CCND1: variants seen among roughly 807,000 people sequenced by gnomAD.
The protein encoded by CCND1 is cyclin D1, also known as G1/S-specific cyclin-D1.
In CCND1, 9 loss-of-function variants were observed where a neutral mutation model predicts 26.1. That is an observed-to-expected ratio of 0.35 (90% CI 0.21 to 0.60). The LOEUF (loss-of-function observed/expected upper bound fraction) is 0.60. Ranked by LOEUF, CCND1 falls within the 20% of genes least tolerant of loss-of-function variation. The pLI, the probability that CCND1 is intolerant of heterozygous loss-of-function variation, is 0.79. For missense variants in CCND1, 335 were observed against 392.9 expected (o/e 0.85, Z 1.25); for synonymous variants, 194 against 166.1 (o/e 1.17, Z -1.29).
At chr11:69,651,026 C>G in intron 4 of CCND1, 92 bp from the exon 5 acceptor site, 2 of 1,279,118 alleles carry the variant, frequency 1.6e-6, no homozygotes, top group Non-Finnish European at 2.2e-6. Context: ...CTTATAAAGG[C>G]TTCCGGGTCA....
chr11:69,647,156 G>A (rs1287905211), intron 3 of CCND1, among the ~76,000 whole-genome samples: 1 of 152,272 alleles, frequency 6.6e-6, no homozygotes, highest in African/African-American at 2.4e-5. Context: ...TACTTGGGAA[G>A]TCACTGGAAT....
At chr11:69,649,262 C>T (rs571061390) in intron 4 of CCND1, among the ~76,000 whole-genome samples, 4 of 152,234 alleles carry the variant, frequency 2.6e-5, no homozygotes, top group African/African-American at 2.4e-5. Flanking sequence ...CTTTTCATTT[C>T]GAACTCCACG....
Position 69,641,201 on chromosome 11 carries a change from T to C in CCND1, c.-113T>C. 9.3e-7 allele frequency: 1 copy of C among 1,075,910 alleles called. No homozygotes were observed. The highest frequency in any genetic ancestry group is 1.8e-5 in the Admixed American group (1 of 57,106). 66.6% of individuals were successfully genotyped at this position (1,075,910 alleles called of 1,614,324 possible). ...GCAGCGAGCAGCAGAGTCCGCACGC[T>C]CCGGCGAGGGGCAGAAGAGCGCGAG... On this transcript the variant is annotated 5_prime_UTR_variant, in exon 1 of 5. Transcript: ENST00000227507.
chr11:69,643,202 C>T lies in CCND1; in HGVS notation c.370C>T (p.Leu124=), dbSNP rs1855732139. The T allele has an allele frequency of 2.5e-6, 4 of 1,603,622 alleles. No individual in the cohort carries two copies. The highest frequency in any genetic ancestry group is 4.5e-5 in the East Asian group (2 of 44,502). The change falls in exon 2 of 5, where the codon CTG becomes TTG. Residue 124 remains leucine (L), a synonymous_variant. Transcript: ENST00000227507. The stretch of plus-strand genomic sequence containing the variant: ...GACCATCCCCCTGACGGCCGAGAAG[C>T]TGTGCATCTACACCGACAACTCCAT... The part of the protein sequence containing the change: ...KETIPLTAEK[L]CIYTDNSIRP...
At chr11:69,647,611 C>T (rs1402180478) in intron 3 of CCND1, among the ~76,000 whole-genome samples, 2 of 152,222 alleles carry the variant, frequency 1.3e-5, no homozygotes, top group African/African-American at 4.8e-5. Context: ...GACATCTCTA[C>T]GTCCTCATAT....
chr11:69,643,737 A>C, intron 2 of CCND1, 95 bp from the exon 3 acceptor site: 6 of 1,188,846 alleles, frequency 5.0e-6, no homozygotes, highest in Non-Finnish European at 7.1e-6. Flanking sequence ...TCTGAGCCGG[A>C]GGTGCGGCGT....
Position 69,643,201 on chromosome 11 carries a change from G to A in CCND1, c.369G>A (p.Lys123=), listed in dbSNP as rs1333527458. The change falls in exon 2 of 5, where the codon AAG becomes AAA. Residue 123 remains lysine (K), a synonymous_variant. Transcript: ENST00000227507. ...MKETIPLTAE[K]LCIYTDNSIR... ...AGACCATCCCCCTGACGGCCGAGAA[G>A]CTGTGCATCTACACCGACAACTCCA... 5.6e-6 allele frequency: 9 copies of A among 1,603,874 alleles called. No individual in the cohort carries two copies. Among genetic ancestry groups the A allele is most frequent in the Non-Finnish European group, 7.7e-6 (9 of 1,175,690 alleles).
In CCND1 at chr11:69,651,171, G is replaced by A; in HGVS notation, c.777G>A (p.Leu259=). The part of the protein sequence containing the change: ...EQIEALLESS[L]RQAQQNMDPK... ...TCGAAGCCCTGCTGGAGTCAAGCCT[G>A]CGCCAGGCCCAGCAGAACATGGACC... Residue 259 remains leucine (L), a synonymous_variant, in exon 5 of 5, where the codon CTG becomes CTA. Coordinates refer to ENST00000227507, the MANE Select transcript of CCND1 (RefSeq NM_053056.3). The A allele has an allele frequency of 1.9e-6, 3 of 1,612,228 alleles. No homozygotes were observed. The highest frequency in any genetic ancestry group is 2.5e-6 in the Non-Finnish European group (3 of 1,179,074).
intron 2 of CCND1, among the ~76,000 whole-genome samples, chr11:69,643,511 C>T (rs1031065579): frequency 2.8e-4 from 42 of 152,374 alleles, no homozygotes; most frequent in Middle Eastern, 3.4e-3. Context: ...CGCGCGCCCT[C>T]CAGCGGCTGC....
chr11:69,643,776 C>G (rs547168322), intron 2 of CCND1, 56 bp from the exon 3 acceptor site: 2 of 1,546,470 alleles, frequency 1.3e-6, no homozygotes, highest in Non-Finnish European at 1.8e-6. Context: ...CCGGCTTCCC[C>G]GCGCCCCCGG....
intron 1 of CCND1, 86 bp from the exon 2 acceptor site, chr11:69,642,945 C>A: frequency 9.7e-7 from 1 of 1,030,802 alleles, no homozygotes; most frequent in African/African-American, 1.7e-5. Flanking sequence ...ACCTGGCGGC[C>A]CTGCCAAGCG....
rs1422523889 is a variant in CCND1 at position 69,652,035 on chromosome 11, G to C, written c.*753G>C. On this transcript the variant is annotated 3_prime_UTR_variant, in exon 5 of 5. Coordinates refer to ENST00000227507, the MANE Select transcript of CCND1 (RefSeq NM_053056.3). ...AAACCATCCAGTGACAAACCATCCA[G>C]TGGAGGTTTGTCGGGCACCAGCCAG... 4.3e-6 allele frequency: 1 copy of C among 233,234 alleles called. No homozygotes were observed. Among genetic ancestry groups the C allele is most frequent in the Non-Finnish European group, 8.5e-6 (1 of 118,044 alleles). 14.4% of individuals were successfully genotyped at this position (233,234 alleles called of 1,614,324 possible).
rs1855863539 is a variant in CCND1 at position 69,652,093 on chromosome 11, C to T, written c.*811C>T. ...GGGTCGGGAAAGGCCACCTGTCCCA[C>T]TCCTACGATACGCTACTATAAAGAG... On this transcript the variant is annotated 3_prime_UTR_variant, in exon 5 of 5. Coordinates refer to ENST00000227507, the MANE Select transcript of CCND1 (RefSeq NM_053056.3). The T allele has an allele frequency of 4.3e-6, 1 of 233,330 alleles. No homozygotes were observed. The highest frequency in any genetic ancestry group is 8.5e-6 in the Non-Finnish European group (1 of 118,030). The allele number at this position is 233,330 out of a possible 1,614,324, so 14.5% of individuals were successfully genotyped here.
intron 1 of CCND1, among the ~76,000 whole-genome samples, chr11:69,642,725 G>A (rs964878145): frequency 6.6e-6 from 1 of 151,994 alleles, no homozygotes; most frequent in Admixed American, 6.6e-5. Context: ...GGACCACGGA[G>A]CTCCAGGGCG....
At position 69,654,116 on chromosome 11, in the gene CCND1, G is replaced by GCCCCCCCCC; in HGVS notation, c.*2837_*2838insCCCCCCCCC. ...TGCTCGGAGGCCATCTCGGGCACAGGCCCACCCCGCCCCACCCCTCCAGAA... is the reference window on the plus strand; with the variant it reads ...TGCTCGGAGGCCATCTCGGGCACAGGCCCCCCCCCCCCACCCCGCCCCACCCCTCCAGAA... On this transcript the variant is annotated 3_prime_UTR_variant, in exon 5 of 5. Coordinates refer to ENST00000227507, the MANE Select transcript of CCND1 (RefSeq NM_053056.3). The surrounding 1 kb of genome is among the most constrained non-coding windows in gnomAD (Gnocchi z 6.3). 1.5e-6 allele frequency: 1 copy of GCCCCCCCCC among 651,614 alleles called. No homozygotes were observed. The highest frequency in any genetic ancestry group is 2.1e-5 in the Admixed American group (1 of 47,728). The allele number at this position is 651,614 out of a possible 1,614,324, so 40.4% of individuals were successfully genotyped here.
intron 4 of CCND1, among the ~76,000 whole-genome samples, chr11:69,649,023 C>A (rs138922061): frequency 6.6e-6 from 1 of 152,194 alleles, no homozygotes; most frequent in African/African-American, 2.4e-5. Flanking sequence ...GCTTTTTTGC[C>A]GTGGGACACC....
chr11:69,649,855 A>T (rs1855833432), intron 4 of CCND1, among the ~76,000 whole-genome samples: 1 of 152,146 alleles, frequency 6.6e-6, no homozygotes, highest in African/African-American at 2.4e-5. Context: ...TTTTAGGTTG[A>T]ACGTCAGGAG....
chr11:69,643,763 C>A (rs2120092547), intron 2 of CCND1, 69 bp from the exon 3 acceptor site: 1 of 1,497,866 alleles, frequency 6.7e-7, no homozygotes. Flanking sequence ...GGCCCCCGTG[C>A]TGCCGGCTTC....
chr11:69,648,774 G>A (rs1855817709), intron 4 of CCND1, among the ~76,000 whole-genome samples: 1 of 152,236 alleles, frequency 6.6e-6, no homozygotes, highest in Non-Finnish European at 1.5e-5. Context: ...GCCCCGCGGT[G>A]TGTGAGGGAG....
Sources: allele counts gnomAD v4.1 joint callset (sites outside exome capture counted in the v4.1 genomes callset), GRCh38; gene constraint gnomAD v4.1.1; non-coding constraint Gnocchi (gnomAD v3.1); transcripts MANE v1.5; gene names NCBI Gene and HGNC (gene_info 2026-07-23, HGNC 2026-07-21).